Variants in PLCXD3 observed in about 807,000 individuals in gnomAD.
The protein encoded by PLCXD3 is phosphatidylinositol specific phospholipase C X domain containing 3.
Under a neutral mutation model 25.5 loss-of-function variants are expected in PLCXD3, and 19 were observed. That is an observed-to-expected ratio of 0.75 (90% CI 0.52 to 1.09). PLCXD3 has a LOEUF of 1.09. Among genes scored for constraint, PLCXD3 ranks in the 50% least tolerant of loss-of-function variants. The pLI, the probability that PLCXD3 is intolerant of heterozygous loss-of-function variation, is 0.00. For missense variants in PLCXD3, 411 were observed against 388.1 expected (o/e 1.06, Z -0.50); for synonymous variants, 174 against 137.6 (o/e 1.26, Z -1.85).
chr5:41,341,233 G>C (rs1475327649), intron 2 of PLCXD3, among the ~76,000 whole-genome samples: 1 of 152,118 alleles, frequency 6.6e-6, no homozygotes, highest in East Asian at 1.9e-4. Context: ...GTATGGAAGA[G>C]AGCACCATCA....
chr5:41,479,470 T>C (rs1479061802), intron 1 of PLCXD3, among the ~76,000 whole-genome samples: 7 of 152,132 alleles, frequency 4.6e-5, no homozygotes, highest in African/African-American at 1.4e-4. Flanking sequence ...ATGCCTAAAA[T>C]CGTTTAAAAT....
At chr5:41,446,039 T>C (rs1747488077) in intron 1 of PLCXD3, among the ~76,000 whole-genome samples, 1 of 150,094 alleles carries the variant, frequency 6.7e-6, no homozygotes, top group South Asian at 2.1e-4. Flanking sequence ...TACAAAAAAA[T>C]TAGCTGGGCG....
At chr5:41,456,510 A>T (rs549811837) in intron 1 of PLCXD3, 2 of 865,812 alleles carry the variant, frequency 2.3e-6, no homozygotes, top group South Asian at 5.3e-5. Context: ...TTATGTTGAA[A>T]AAAAAAGAAA....
At chr5:41,446,145 C>CCAGTCTG (rs1183725414) in intron 1 of PLCXD3, among the ~76,000 whole-genome samples, 2 of 125,812 alleles carry the variant, frequency 1.6e-5, no homozygotes, top group African/African-American at 2.9e-5. Flanking sequence ...CCACAGCACT[C>CCAGTCTG]CAGTCTGGGC....
chr5:41,510,413 T>G lies in PLCXD3; in HGVS notation c.103+11A>C, dbSNP rs781062224. On this transcript the variant is annotated intron_variant, in intron 1 of 2. Transcript: ENST00000377801. ...CGCCGAGCGCCTAGCCCGCAGCCCC[T>G]GCGCGCCTACCTGGAATGGCTAAAT... 1 of 1,603,084 alleles carries G rather than the reference T, an allele frequency of 6.2e-7. No individual in the cohort carries two copies. The highest frequency in any genetic ancestry group is 8.5e-7 in the Non-Finnish European group (1 of 1,174,744).
intron 1 of PLCXD3, among the ~76,000 whole-genome samples, chr5:41,490,209 T>C (rs1354428210): frequency 1.3e-5 from 2 of 152,226 alleles, no homozygotes; most frequent in South Asian, 4.1e-4. Flanking sequence ...GTTTTTGTCT[T>C]TGGTTCTGTT....
chr5:41,321,528 C>T (rs1743470300), intron 2 of PLCXD3, among the ~76,000 whole-genome samples: 2 of 152,116 alleles, frequency 1.3e-5, no homozygotes, highest in African/African-American at 4.8e-5. Context: ...AGATTTAATG[C>T]AATCTACTGT....
intron 2 of PLCXD3, among the ~76,000 whole-genome samples, chr5:41,345,287 C>G (rs762729547): frequency 4.4e-4 from 67 of 152,248 alleles, no homozygotes; most frequent in Non-Finnish European, 7.9e-4. Flanking sequence ...TCTAGTCTAA[C>G]CCTCTTATTG....
chr5:41,370,399 T>C (rs1745060850), intron 2 of PLCXD3, among the ~76,000 whole-genome samples: 1 of 152,206 alleles, frequency 6.6e-6, no homozygotes, highest in Non-Finnish European at 1.5e-5. Context: ...TTTAACTTTT[T>C]TATTGCTGTT....
At chr5:41,363,600 G>C (rs1022322405) in intron 2 of PLCXD3, among the ~76,000 whole-genome samples, 1 of 152,092 alleles carries the variant, frequency 6.6e-6, no homozygotes, top group Non-Finnish European at 1.5e-5. Context: ...TATTGAAATT[G>C]ACTTTAGTAT....
At chr5:41,477,291 G>A (rs959336100) in intron 1 of PLCXD3, among the ~76,000 whole-genome samples, 3 of 152,086 alleles carry the variant, frequency 2.0e-5, no homozygotes, top group Non-Finnish European at 2.9e-5. Context: ...TTATCTTCTA[G>A]TATAGAGTTT....
rs1299295243 is a variant in PLCXD3, at chr5:41,372,296, T to TCA, written c.812+9529_812+9530insTG. Among the ~76,000 whole-genome samples, 36 of 132,828 alleles carry TCA rather than the reference T, an allele frequency of 2.7e-4. No individual in the cohort carries two copies. The East Asian group carries it at 3.1e-3, about 11-fold the overall frequency. The allele number at this position is 132,828 out of a possible 152,430, so 87.1% of individuals were successfully genotyped here. On this transcript the variant is annotated intron_variant, in intron 2 of 2. Coordinates refer to ENST00000377801, the MANE Select transcript of PLCXD3 (RefSeq NM_001005473.3). ...TATTCATTCTCTCTCTCTCTCTCTC[T>TCA]CTCACACACACACACACACACACAC... is the stretch of plus-strand genomic sequence containing the variant.
chr5:41,401,863 T>C (rs964704958), intron 1 of PLCXD3, among the ~76,000 whole-genome samples: 1 of 152,058 alleles, frequency 6.6e-6, no homozygotes, highest in Non-Finnish European at 1.5e-5. Context: ...ACATTTACTT[T>C]CTGAGCTGTA....
At chr5:41,487,856 A>G (rs1748555263) in intron 1 of PLCXD3, among the ~76,000 whole-genome samples, 1 of 152,120 alleles carries the variant, frequency 6.6e-6, no homozygotes, top group African/African-American at 2.4e-5. Context: ...AGAAAAATAG[A>G]CAAGAACCAA....
At chr5:41,473,454 T>TAATC (rs1445555013) in intron 1 of PLCXD3, among the ~76,000 whole-genome samples, 3 of 151,574 alleles carry the variant, frequency 2.0e-5, no homozygotes, top group Non-Finnish European at 4.4e-5. Context: ...TTTAATTAAT[T>TAATC]AATTAATTAA....
chr5:41,440,176 A>T lies in PLCXD3; in HGVS notation c.104-57642T>A, dbSNP rs1355964231. On this transcript the variant is annotated intron_variant, in intron 1 of 2. Transcript: ENST00000377801. ...CCGTCAGATCTTAGCTCCGTTACTT[A>T]TTAGCTATACAGTTCTGAGCAAATT... Among the ~76,000 whole-genome samples the T allele has an allele frequency of 5.0e-5, 6 of 120,872 alleles. No homozygotes were observed. The East Asian group carries it at 1.6e-3, about 32-fold the overall frequency. 79.3% of individuals were successfully genotyped at this position (120,872 alleles called of 152,430 possible). A position where few individuals can be genotyped will look rare whatever the true frequency, so the allele number is the denominator to read the frequency against.
At chr5:41,403,414 T>TTTTTGTTTTTG (rs1378237073) in intron 1 of PLCXD3, among the ~76,000 whole-genome samples, 7 of 45,014 alleles carry the variant, frequency 1.6e-4, no homozygotes, top group South Asian at 6.5e-4. Flanking sequence ...TTTTTTTTTT[T>TTTTTGTTTTTG]TTATTATACT....
At chr5:41,418,123 G>A (rs761223193) in intron 1 of PLCXD3, among the ~76,000 whole-genome samples, 38 of 152,084 alleles carry the variant, frequency 2.5e-4, no homozygotes, top group African/African-American at 8.9e-4. Context: ...GCAATATATA[G>A]GTATGTGGCA....
intron 1 of PLCXD3, among the ~76,000 whole-genome samples, chr5:41,483,539 AT>A (rs1286830199): frequency 1.3e-5 from 2 of 152,260 alleles, no homozygotes; most frequent in East Asian, 1.9e-4. Context: ...AATAAAAATT[AT>A]TTTTAAAGTA....
Sources: gnomAD v4.1 joint callset for allele counts (sites outside exome capture counted in the v4.1 genomes callset) on GRCh38, gnomAD v4.1.1 for gene constraint, MANE v1.5 for transcripts, NCBI Gene and HGNC (gene_info 2026-07-23, HGNC 2026-07-21) for gene names.